The following PILRB variants were observed in gnomAD, a reference collection of about 807,000 sequenced individuals.
PILRB encodes the protein paired immunoglobin like type 2 receptor beta.
PILRB carries 21 observed loss-of-function variants against 20.5 expected under a neutral mutation model. The ratio of observed to expected loss-of-function variants is 1.02; its 90% CI spans 0.72 to 1.47. The LOEUF is 1.47. Among genes scored for constraint, PILRB ranks in the 40% most tolerant of loss-of-function variants. PILRB has a pLI of 0.00. For missense variants in PILRB, 253 were observed against 272.1 expected (o/e 0.93, Z 0.49); for synonymous variants, 133 against 115.1 (o/e 1.16, Z -0.99).
chr7:100,359,069 C>G lies in PILRB; in HGVS notation c.444C>G (p.Thr148=), dbSNP rs756516608. The change falls in exon 2 of 4, where the codon ACC becomes ACG. Residue 148 remains threonine, a synonymous_variant. Coordinates refer to ENST00000609309, the MANE Select transcript of PILRB (RefSeq NM_178238.4). ...QLQSIKGTKL[T]ITQAVTTTTT... The stretch of plus-strand genomic sequence containing the variant: ...AGTCCATCAAGGGGACCAAACTCAC[C>G]ATCACCCAGGGTGAGTCCAGCTGCC... The G allele has an allele frequency of 1.9e-6, 3 of 1,614,004 alleles. No homozygotes were observed. In the African/African-American group the frequency reaches 4.0e-5, roughly 22 times the overall value.
In PILRB at chr7:100,358,282, C is replaced by T. The variant is rs373007055; in HGVS notation, c.-21C>T. 34 of 1,611,904 alleles carry T rather than the reference C, an allele frequency of 2.1e-5. 1 individual carries two copies. Among genetic ancestry groups the T allele is most frequent in the African/African-American group, 1.9e-4 (14 of 74,898 alleles). ...TGGACAGCTCTGCTGGTCTCCCCGT[C>T]CCCTGGAGAAGAACAAGGCCATGGG... On this transcript the variant is annotated 5_prime_UTR_variant, in exon 1 of 4. Coordinates refer to ENST00000609309, the MANE Select transcript of PILRB (RefSeq NM_178238.4).
rs760437041 is a variant in PILRB, at chr7:100,358,964, A to C, written c.339A>C (p.Ser113=). The C allele has an allele frequency of 6.8e-6, 11 of 1,613,880 alleles. No homozygotes were observed. The highest frequency in any genetic ancestry group is 5.0e-5 in the Admixed American group (3 of 60,010). The change falls in exon 2 of 4, where the codon TCA becomes TCC. Residue 113 remains serine (S), a synonymous_variant. Coordinates refer to ENST00000609309, the MANE Select transcript of PILRB (RefSeq NM_178238.4). ...EGQESGFLRI[S]NLRKEDQSVY... is the part of the protein sequence containing the mutation. ...AGGAGAGCGGCTTCCTCAGGATCTCAAACCTGCGGAAGGAGGACCAGTCTG... is the reference window on the plus strand; with the variant it reads ...AGGAGAGCGGCTTCCTCAGGATCTCCAACCTGCGGAAGGAGGACCAGTCTG...
Position 100,359,508 on chromosome 7 carries a change from T to G in PILRB, c.626T>G (p.Leu209Arg), listed in dbSNP as rs1178749578. 8 of 1,101,870 alleles carry G rather than the reference T, an allele frequency of 7.3e-6. No individual in the cohort carries two copies. Among genetic ancestry groups the G allele is most frequent in the African/African-American group, 3.5e-5 (2 of 57,534 alleles). 68.3% of individuals were successfully genotyped at this position (1,101,870 alleles called of 1,614,324 possible). A position where few individuals can be genotyped will look rare whatever the true frequency, so the allele number is the denominator to read the frequency against. The change falls in exon 3 of 4, where the codon CTC becomes CGC. Residue 209 changes from leucine (L) to arginine (R), a missense_variant. Leu to Arg is a moderately radical substitution (Grantham distance 102). Coordinates refer to ENST00000609309, the MANE Select transcript of PILRB (RefSeq NM_178238.4). ...LKTVILGLLCLLLLWWRRRKG... is the reference protein window; with the variant it reads ...LKTVILGLLCRLLLWWRRRKG... ...ACTGTCATTTTGGGACTGCTGTGCC[T>G]CCTCCTCCTGTGGTGGAGGAGAAGG...
chr7:100,361,469 A>G (rs1332933360), intron 3 of PILRB, among the ~76,000 whole-genome samples: 3 of 152,178 alleles, frequency 2.0e-5, no homozygotes, highest in Admixed American at 2.0e-4. Context: ...AGGCGGCTGG[A>G]TCACCTGAGG....
chr7:100,359,713 G>T (rs960335515), intron 3 of PILRB, among the ~76,000 whole-genome samples, 176 bp downstream of exon 3: 16 of 152,118 alleles, frequency 1.1e-4, no homozygotes, highest in South Asian at 2.1e-4. Context: ...CTGCAGTGGG[G>T]TGGTGCAGGG....
At chr7:100,359,115 C>G in intron 2 of PILRB, 36 bp downstream of exon 2, 4 of 1,612,778 alleles carry the variant, frequency 2.5e-6, no homozygotes, top group Non-Finnish European at 3.4e-6. Flanking sequence ...CCTTGCCCAC[C>G]GCAGTGAGGG....
At chr7:100,367,082 TC>T (rs945170122) in intron 3 of PILRB, among the ~76,000 whole-genome samples, 6 of 152,016 alleles carry the variant, frequency 3.9e-5, no homozygotes, top group Admixed American at 6.5e-5. Context: ...TCACTGTTGG[TC>T]CCCCTACACG....
intron 3 of PILRB, among the ~76,000 whole-genome samples, chr7:100,359,895 C>T (rs1309859162): frequency 1.3e-5 from 2 of 152,286 alleles, no homozygotes; most frequent in East Asian, 1.9e-4. Context: ...TGGTGGCACA[C>T]GCTTATAGTC....
In PILRB at chr7:100,358,824, G is replaced by C. The variant is rs757342383; in HGVS notation, c.199G>C (p.Val67Leu). ...YPWELAIVPN[V>L]RISWRRGHFH... ...CTGGGAGTTAGCCATAGTTCCCAAC[G>C]TGAGAATATCCTGGAGACGGGGCCA... The change falls in exon 2 of 4, where the codon GTG becomes CTG. Residue 67 changes from valine (V) to leucine (L), a missense_variant. Coordinates refer to ENST00000609309, the MANE Select transcript of PILRB (RefSeq NM_178238.4). 3 of 1,613,196 alleles carry C rather than the reference G, an allele frequency of 1.9e-6. No individual in the cohort carries two copies. Among genetic ancestry groups the C allele is most frequent in the African/African-American group, 1.3e-5 (1 of 74,982 alleles).
At chr7:100,358,640 C>T (rs1451395233) in intron 1 of PILRB, 50 bp from the exon 2 acceptor site, 2 of 1,594,546 alleles carry the variant, frequency 1.3e-6, no homozygotes, top group Admixed American at 3.4e-5. Context: ...CTCTTTGTGT[C>T]CTGAGGTGGT....
intron 3 of PILRB, among the ~76,000 whole-genome samples, chr7:100,367,072 T>C (rs1342308467): frequency 6.6e-6 from 1 of 151,990 alleles, no homozygotes; most frequent in African/African-American, 2.4e-5. Flanking sequence ...CCACCCTGAC[T>C]CACTGTTGGT....
Position 100,364,362 on chromosome 7 carries a change from A to T in PILRB, c.656-2987A>T, listed in dbSNP as rs566003913. ...TAAGACCCAAAACTGTCCAGTGTCT[A>T]GAAGAAAATACAGGAGAAAACATAG... On this transcript the variant is annotated intron_variant, in intron 3 of 3. Coordinates refer to ENST00000609309, the MANE Select transcript of PILRB (RefSeq NM_178238.4). Among the ~76,000 whole-genome samples, 119 of 152,366 alleles carry T rather than the reference A, an allele frequency of 7.8e-4. 1 individual carries two copies. The highest frequency in any genetic ancestry group is 6.8e-3 in the Middle Eastern group (2 of 294).
At chr7:100,364,707 A>G (rs1270131862) in intron 3 of PILRB, among the ~76,000 whole-genome samples, 3 of 152,216 alleles carry the variant, frequency 2.0e-5, no homozygotes, top group African/African-American at 4.8e-5. Flanking sequence ...CTGGGCATCT[A>G]TCCAACCAAT....
In PILRB at chr7:100,358,667, C is replaced by T. The variant is rs2906644; in HGVS notation, c.65-23C>T. On this transcript the variant is annotated intron_variant, in intron 1 of 3. Transcript: ENST00000609309. ...TGAGGTGGTTTCAAGGTCTCTCCCC[C>T]ACTCACTCCCTCCTTCCTCTAGGTG... is the stretch of plus-strand genomic sequence containing the variant. The T allele has an allele frequency of 8.6e-4, 1,391 of 1,609,712 alleles. 4 individuals are homozygous for T. In the African/African-American group the frequency reaches 0.01, roughly 12 times the overall value.
chr7:100,362,041 C>T (rs368921507), intron 3 of PILRB, among the ~76,000 whole-genome samples: 2 of 152,112 alleles, frequency 1.3e-5, no homozygotes, highest in South Asian at 4.2e-4. Context: ...CACAGAAGGT[C>T]AAGGAACTAC....
chr7:100,365,418 C>T (rs1180977457), intron 3 of PILRB, among the ~76,000 whole-genome samples: 1 of 151,932 alleles, frequency 6.6e-6, no homozygotes, highest in Non-Finnish European at 1.5e-5. Context: ...ATTCCACTTA[C>T]ATGGTATCTA....
intron 3 of PILRB, among the ~76,000 whole-genome samples, chr7:100,360,034 A>G (rs1790482476): frequency 6.6e-6 from 1 of 151,918 alleles, no homozygotes; most frequent in South Asian, 2.1e-4. Flanking sequence ...ACAAACAAAC[A>G]AACAAACAAA....
rs705866 is a variant in PILRB at position 100,367,662 on chromosome 7, T to C, written c.*285T>C. The C allele has an allele frequency of 0.16, 72,680 of 466,020 alleles. 6,580 individuals carry two copies. The highest frequency in any genetic ancestry group is 0.19 in the Non-Finnish European group (48,749 of 260,092). 28.9% of individuals were successfully genotyped at this position (466,020 alleles called of 1,614,324 possible). ...AAACCACTGGCATTTGGGGGCTGTT[T>C]ATTATAGCAGTGCAAAGAGTTCCTT... On this transcript the variant is annotated 3_prime_UTR_variant, in exon 4 of 4. Coordinates refer to ENST00000609309, the MANE Select transcript of PILRB (RefSeq NM_178238.4).
At chr7:100,362,194 A>T (rs1451716691) in intron 3 of PILRB, among the ~76,000 whole-genome samples, 3 of 152,174 alleles carry the variant, frequency 2.0e-5, no homozygotes, top group Non-Finnish European at 4.4e-5. Context: ...GAACACTTCC[A>T]GGTTCATTCT....
Sources: allele counts gnomAD v4.1 joint callset (sites outside exome capture counted in the v4.1 genomes callset), GRCh38; gene constraint gnomAD v4.1.1; transcripts MANE v1.5; gene names NCBI Gene and HGNC (gene_info 2026-07-23, HGNC 2026-07-21).